CHSY3: variants seen among roughly 807,000 people sequenced by gnomAD.
The protein encoded by CHSY3 is chondroitin sulfate synthase 3.
A neutral mutation model predicts 67.2 loss-of-function variants in CHSY3; 35 were observed. The ratio of observed to expected loss-of-function variants is 0.52; its 90% confidence interval spans 0.40 to 0.69. The LOEUF is 0.69. Ranked by LOEUF, CHSY3 falls within the 30% of genes least tolerant of loss-of-function variation. The pLI is 0.00. For synonymous variants in CHSY3, 474 were observed against 434.7 expected (o/e 1.09, Z -1.12); for missense variants, 1,069 against 1,138.5 (o/e 0.94, Z 0.88).
At chr5:130,083,625 T>C (rs1766512187) in intron 2 of CHSY3, among the ~76,000 whole-genome samples, 1 of 152,004 alleles carries the variant, frequency 6.6e-6, no homozygotes, top group Non-Finnish European at 1.5e-5. Flanking sequence ...AAATGAATGT[T>C]TGAGATAATA....
chr5:130,080,252 A>G (rs916259940), intron 2 of CHSY3, among the ~76,000 whole-genome samples: 1 of 151,968 alleles, frequency 6.6e-6, no homozygotes, highest in African/African-American at 2.4e-5. Flanking sequence ...TCATTATACC[A>G]TGTACCCATC....
intron 2 of CHSY3, among the ~76,000 whole-genome samples, chr5:130,160,778 G>C (rs563539507): frequency 2.1e-4 from 32 of 152,236 alleles, no homozygotes; most frequent in African/African-American, 7.7e-4. Context: ...TGGAGGATGA[G>C]GGGTGTGTGA....
chr5:129,952,276 C>T (rs1435410714), intron 2 of CHSY3, among the ~76,000 whole-genome samples: 1 of 152,128 alleles, frequency 6.6e-6, no homozygotes, highest in East Asian at 1.9e-4. Flanking sequence ...TAAGCAGTAT[C>T]AAGTTGGAAG....
rs554908164 is a variant in CHSY3 at position 129,911,346 on chromosome 5, T to C, written c.1086+2986T>C. Among the ~76,000 whole-genome samples, 3 of 152,298 alleles carry C rather than the reference T, an allele frequency of 2.0e-5. No individual in the cohort carries two copies. In the East Asian group the frequency reaches 5.8e-4, roughly 29 times the overall value. On this transcript the variant is annotated intron_variant, in intron 2 of 2. Coordinates refer to ENST00000305031, the MANE Select transcript of CHSY3 (RefSeq NM_175856.5). ...AGAAAGGTAATAGCGGGATATGAAC[T>C]GGGGTTTGAGCCACCATCCTAACAC...
intron 2 of CHSY3, among the ~76,000 whole-genome samples, chr5:130,021,204 T>A (rs1764379703): frequency 6.6e-6 from 1 of 152,232 alleles, no homozygotes. Context: ...TATGCATATA[T>A]CAGCATTATT....
chr5:130,082,856 ATG>A (rs1470137748), intron 2 of CHSY3, among the ~76,000 whole-genome samples: 1 of 151,706 alleles, frequency 6.6e-6, no homozygotes, highest in Non-Finnish European at 1.5e-5. Context: ...CACTATATAT[ATG>A]TGTGTATATA....
chr5:130,070,461 CT>C (rs1487572308), intron 2 of CHSY3, among the ~76,000 whole-genome samples: 1 of 152,090 alleles, frequency 6.6e-6, no homozygotes, highest in African/African-American at 2.4e-5. Flanking sequence ...CCACGTCCAG[CT>C]TTCCCTGGTA....
At chr5:129,923,662 A>G (rs1350818678) in intron 2 of CHSY3, among the ~76,000 whole-genome samples, 1 of 152,198 alleles carries the variant, frequency 6.6e-6, no homozygotes, top group Non-Finnish European at 1.5e-5. Context: ...AGGAAAGAGT[A>G]GGTGGACAAG....
chr5:130,141,044 A>G, intron 2 of CHSY3: 1 of 304,738 alleles, frequency 3.3e-6, no homozygotes, highest in Non-Finnish European at 5.4e-6. Context: ...TCATGGTTCT[A>G]TTTGTATTTC....
At chr5:130,147,691 G>A (rs191108395) in intron 2 of CHSY3, among the ~76,000 whole-genome samples, 22 of 152,290 alleles carry the variant, frequency 1.4e-4, no homozygotes, top group Non-Finnish European at 2.2e-4. Context: ...TGAGGCCTCA[G>A]GGAGCTTACA....
At chr5:130,020,577 C>CTT (rs1285643522) in intron 2 of CHSY3, among the ~76,000 whole-genome samples, 2 of 149,482 alleles carry the variant, frequency 1.3e-5, no homozygotes, top group Non-Finnish European at 3.0e-5. Context: ...ACTGCCCCTT[C>CTT]AAAGCAGTCT....
intron 2 of CHSY3, among the ~76,000 whole-genome samples, chr5:129,938,289 T>C (rs1761575413): frequency 6.6e-6 from 1 of 152,218 alleles, no homozygotes; most frequent in Non-Finnish European, 1.5e-5. Flanking sequence ...TCCAGGCCTG[T>C]GATGGGAGGG....
At chr5:130,050,038 T>C (rs1765286178) in intron 2 of CHSY3, among the ~76,000 whole-genome samples, 1 of 152,124 alleles carries the variant, frequency 6.6e-6, no homozygotes, top group South Asian at 2.1e-4. Flanking sequence ...CTTGTAGGTA[T>C]GCCTGTAAGC....
At chr5:130,115,085 T>C (rs1285039414) in intron 2 of CHSY3, among the ~76,000 whole-genome samples, 1 of 98,596 alleles carries the variant, frequency 1.0e-5, no homozygotes, top group Non-Finnish European at 2.0e-5. Flanking sequence ...TGTTCAAAGG[T>C]TTTTTTTTTT....
intron 2 of CHSY3, among the ~76,000 whole-genome samples, chr5:129,970,061 A>T (rs773860573): frequency 2.6e-5 from 4 of 151,778 alleles, no homozygotes; most frequent in Non-Finnish European, 4.4e-5. Flanking sequence ...CCTCTTTCTC[A>T]TTCTTTAGTT....
intron 1 of CHSY3, chr5:129,905,893 GCTTGTCCCTT>G: frequency 4.5e-5 from 33 of 736,128 alleles, no homozygotes; most frequent in South Asian, 1.7e-4. Context: ...GCCGCCTCGC[GCTTGTCCCTT>G]AGTCTTTACC....
At chr5:130,092,460 A>C (rs1262060792) in intron 2 of CHSY3, among the ~76,000 whole-genome samples, 1 of 152,168 alleles carries the variant, frequency 6.6e-6, no homozygotes, top group Non-Finnish European at 1.5e-5. Context: ...AAATACTTAG[A>C]GCTTTGTTTA....
rs73785838 is a variant in CHSY3 at position 129,990,899 on chromosome 5, G to A, written c.1086+82539G>A. On this transcript the variant is annotated intron_variant, in intron 2 of 2. Coordinates refer to ENST00000305031, the MANE Select transcript of CHSY3 (RefSeq NM_175856.5). ...AAAGTACCATAGAAGGACACCCAGGGGGTTGTGAATCTACAGAGCACATAA... is the reference window on the plus strand; with the variant it reads ...AAAGTACCATAGAAGGACACCCAGGAGGTTGTGAATCTACAGAGCACATAA... Among the ~76,000 whole-genome samples, 1,106 of 152,110 alleles carry A rather than the reference G, an allele frequency of 7.3e-3. 12 individuals are homozygous for A. The highest frequency in any genetic ancestry group is 0.025 in the African/African-American group (1,050 of 41,512).
chr5:129,939,474 C>T (rs191129793), intron 2 of CHSY3, among the ~76,000 whole-genome samples: 5 of 152,076 alleles, frequency 3.3e-5, no homozygotes, highest in African/African-American at 9.7e-5. Flanking sequence ...AGGATTTTAC[C>T]TTTTCATTTA....
Sources: gnomAD v4.1 joint callset for allele counts (sites outside exome capture counted in the v4.1 genomes callset) on GRCh38, gnomAD v4.1.1 for gene constraint, MANE v1.5 for transcripts, NCBI Gene and HGNC (gene_info 2026-07-23, HGNC 2026-07-21) for gene names.